The following NRG1 variants were observed in gnomAD, a reference collection of about 807,000 sequenced individuals.
NRG1 encodes the protein neuregulin 1.
A neutral mutation model predicts 63.8 loss-of-function variants in NRG1; 18 were observed. That is an observed-to-expected ratio of 0.28 (90% CI 0.19 to 0.42). The LOEUF is 0.42. NRG1 is among the 10% of genes least tolerant of loss of function. NRG1 has a pLI of 1.00. For missense variants in NRG1, 762 were observed against 814.7 expected, an observed-to-expected ratio of 0.94 and a Z score of 0.79; for synonymous variants, 302 against 301.3, an observed-to-expected ratio of 1.00 and a Z score of -0.02.
At chr8:32,436,670 C>T (rs1292887623) in intron 1 of NRG1, among the ~76,000 whole-genome samples, 3 of 152,008 alleles carry the variant, frequency 2.0e-5, no homozygotes, top group East Asian at 1.9e-4. Flanking sequence ...ATTAGGCTGT[C>T]GTTGGTCTGT....
chr8:31,878,923 C>T (rs1039028132), intron 1 of NRG1, among the ~76,000 whole-genome samples: 2 of 152,116 alleles, frequency 1.3e-5, no homozygotes, highest in African/African-American at 4.8e-5. Context: ...AAAGTGGCAT[C>T]CTGTTGGCGG....
At chr8:32,762,618 C>T (rs1260568797) in intron 11 of NRG1, among the ~76,000 whole-genome samples, 2 of 152,170 alleles carry the variant, frequency 1.3e-5, no homozygotes, top group Non-Finnish European at 2.9e-5. Context: ...CAGGGAGGTT[C>T]ATACGTTTTC....
At chr8:32,641,887 A>G (rs1233389881) in intron 5 of NRG1, among the ~76,000 whole-genome samples, 1 of 152,234 alleles carries the variant, frequency 6.6e-6, no homozygotes, top group Non-Finnish European at 1.5e-5. Flanking sequence ...TGCATCATAA[A>G]TAATGTACAA....
At chr8:32,373,184 A>G (rs1161872325) in intron 1 of NRG1, among the ~76,000 whole-genome samples, 2 of 152,202 alleles carry the variant, frequency 1.3e-5, no homozygotes, top group Admixed American at 6.5e-5. Context: ...GAAAACCACA[A>G]TCATCTTCAC....
At chr8:31,997,741 T>C (rs1812247688) in intron 1 of NRG1, among the ~76,000 whole-genome samples, 1 of 151,990 alleles carries the variant, frequency 6.6e-6, no homozygotes, top group Non-Finnish European at 1.5e-5. Flanking sequence ...CAAGTGTCTT[T>C]AGCATACTAC....
chr8:32,722,507 A>G (rs1717348296), intron 5 of NRG1, among the ~76,000 whole-genome samples: 1 of 152,190 alleles, frequency 6.6e-6, no homozygotes, highest in Admixed American at 6.5e-5. Flanking sequence ...ATATTTAGTA[A>G]CAAGCAGAGA....
At chr8:32,493,124 C>CTA (rs1826798586) in intron 1 of NRG1, among the ~76,000 whole-genome samples, 3 of 152,070 alleles carry the variant, frequency 2.0e-5, no homozygotes, top group Non-Finnish European at 2.9e-5. Flanking sequence ...AATTAACAAC[C>CTA]CTTCTGTGTG....
intron 1 of NRG1, among the ~76,000 whole-genome samples, chr8:31,743,177 T>C (rs867915210): frequency 1.3e-5 from 2 of 151,928 alleles, no homozygotes; most frequent in Admixed American, 6.6e-5. Context: ...AAAAGACAAG[T>C]TGTCTCCCTT....
At chr8:32,550,383 T>A (rs113766872) in intron 1 of NRG1, among the ~76,000 whole-genome samples, 1,558 of 152,260 alleles carry the variant, frequency 0.01, 29 homozygotes, top group African/African-American at 0.036. Flanking sequence ...TCATAGTACA[T>A]TACGGAGATT....
At chr8:32,428,046 A>C (rs1335457637) in intron 1 of NRG1, among the ~76,000 whole-genome samples, 1 of 152,184 alleles carries the variant, frequency 6.6e-6, no homozygotes, top group Non-Finnish European at 1.5e-5. Context: ...GTTGTTCTCC[A>C]CATCACGTCC....
chr8:32,660,417 G>C (rs546195639), intron 5 of NRG1, among the ~76,000 whole-genome samples: 1 of 152,242 alleles, frequency 6.6e-6, no homozygotes, highest in African/African-American at 2.4e-5. Flanking sequence ...CTGAAACCGG[G>C]TCTTAAATCA....
At chr8:32,726,225 C>A (rs1822144442) in intron 5 of NRG1, among the ~76,000 whole-genome samples, 1 of 152,036 alleles carries the variant, frequency 6.6e-6, no homozygotes, top group Non-Finnish European at 1.5e-5. Context: ...TTTGAAGTCC[C>A]CAGATTTCCA....
intron 1 of NRG1, among the ~76,000 whole-genome samples, chr8:31,811,248 T>C (rs1822855977): frequency 6.6e-6 from 1 of 152,200 alleles, no homozygotes; most frequent in Admixed American, 6.5e-5. Context: ...GGGGTGTCTT[T>C]TGTAGAGCTT....
At chr8:32,463,542 T>C (rs915242644) in intron 1 of NRG1, among the ~76,000 whole-genome samples, 3 of 152,146 alleles carry the variant, frequency 2.0e-5, no homozygotes, top group Non-Finnish European at 4.4e-5. Flanking sequence ...GGAAAAATTA[T>C]ATTAATACTT....
intron 5 of NRG1, among the ~76,000 whole-genome samples, chr8:32,696,550 C>A (rs1813337557): frequency 6.6e-6 from 1 of 152,024 alleles, no homozygotes; most frequent in Non-Finnish European, 1.5e-5. Flanking sequence ...AAAATTTTTA[C>A]CACTTTTGCC....
chr8:32,220,413 T>C (rs74643266), intron 1 of NRG1, among the ~76,000 whole-genome samples: 6,845 of 151,996 alleles, frequency 0.045, 230 homozygotes, highest in Middle Eastern at 0.095. Context: ...CTGCATAATA[T>C]AAGGGACGGA....
intron 1 of NRG1, among the ~76,000 whole-genome samples, chr8:31,897,654 C>T (rs553480117): frequency 6.6e-6 from 1 of 152,162 alleles, no homozygotes; most frequent in African/African-American, 2.4e-5. Flanking sequence ...TTATCTTGAC[C>T]CAGACATTCC....
chr8:31,846,550 G>A lies in NRG1; in HGVS notation c.37+207119G>A, dbSNP rs192685495. Among the ~76,000 whole-genome samples, 64 of 152,226 alleles carry A rather than the reference G, an allele frequency of 4.2e-4. No individual in the cohort carries two copies. The Middle Eastern group carries it at 0.014, about 33-fold the overall frequency. ...AACATTATGCTAGGTGTTTCCTAAG[G>A]CTTCAAATAACTTGGATGCCAGTTT... On this transcript the variant is annotated intron_variant, in intron 1 of 10. Coordinates refer to the NRG1 transcript ENST00000519301.
At chr8:32,291,599 C>A (rs1460848340) in intron 1 of NRG1, among the ~76,000 whole-genome samples, 1 of 131,576 alleles carries the variant, frequency 7.6e-6, no homozygotes, top group Admixed American at 9.2e-5. Flanking sequence ...AGTGCAGTGG[C>A]AAGATCTCGG....
Sources: gnomAD v4.1 joint callset for allele counts (sites outside exome capture counted in the v4.1 genomes callset) on GRCh38, gnomAD v4.1.1 for gene constraint, MANE v1.5 for transcripts, NCBI Gene and HGNC (gene_info 2026-07-23, HGNC 2026-07-21) for gene names.